RNF157: variants seen among roughly 807,000 people sequenced by gnomAD.
RNF157 encodes E3 ubiquitin ligase RNF157.
Under a neutral mutation model 88.3 loss-of-function variants are expected in RNF157, and 55 were observed. The observed-to-expected ratio is 0.62, with a 90% confidence interval of 0.50 to 0.78. RNF157 has a LOEUF of 0.78. Among genes scored for constraint, RNF157 ranks in the 30% least tolerant of loss-of-function variants. The pLI, the probability that RNF157 is intolerant of heterozygous loss-of-function variation, is 0.00. For missense variants in RNF157, 788 were observed against 860.8 expected (o/e 0.92, Z 1.06); for synonymous variants, 334 against 341.2 (o/e 0.98, Z 0.23).
chr17:76,224,639 C>T (rs1430331108), intron 1 of RNF157, among the ~76,000 whole-genome samples: 1 of 151,944 alleles, frequency 6.6e-6, no homozygotes, highest in East Asian at 1.9e-4. Context: ...CTTTTGACTT[C>T]CCTTGGCCAC....
In RNF157 at chr17:76,154,253, A is replaced by C. The variant is rs768099233; in HGVS notation, c.1810+30T>G. 5 of 1,528,944 alleles carry C rather than the reference A, an allele frequency of 3.3e-6. No individual in the cohort carries two copies. The Admixed American group carries it at 8.3e-5, about 26-fold the overall frequency. The allele number at this position is 1,528,944 out of a possible 1,614,324, so 94.7% of individuals were successfully genotyped here. On this transcript the variant is annotated intron_variant, in intron 17 of 18. Coordinates refer to ENST00000269391, the MANE Select transcript of RNF157 (RefSeq NM_052916.3). ...AATACCCAGGAAAGAAAGATAACTAAAGGAAGTAAAGGACCAGATCTTTTA... is the reference window on the plus strand; with the variant it reads ...AATACCCAGGAAAGAAAGATAACTACAGGAAGTAAAGGACCAGATCTTTTA...
In RNF157 at chr17:76,167,760, T is replaced by A. The variant is rs146324319; in HGVS notation, c.334A>T (p.Ser112Cys). 1 of 1,614,192 alleles carries A rather than the reference T, an allele frequency of 6.2e-7. No homozygotes were observed. The highest frequency in any genetic ancestry group is 2.2e-5 in the East Asian group (1 of 44,892). The change falls in exon 4 of 19, where the codon AGT becomes TGT. Residue 112 changes from serine to cysteine, a missense_variant. Coordinates refer to ENST00000269391, the MANE Select transcript of RNF157 (RefSeq NM_052916.3). ...ACATTGTAGTGGACTTTAGCTTTAC[T>A]GGCCTCTTCTCCAGGGCTCTTCACT... ...EEVKSPGEEA[S>C]KAKVHYNVEF...
chr17:76,146,164 T>G lies in RNF157; in HGVS notation c.1922-811A>C. On this transcript the variant is annotated intron_variant, in intron 18 of 18. Transcript: ENST00000269391. The surrounding 1 kb of genome is among the most constrained non-coding windows in gnomAD (Gnocchi z 4.2). Reference sequence around the variant, plus strand: ...CTCCTGTGGGCTCACTTCCTGGCCGTGTTGTGACTCCATCTGTAGTCACGC... The same window carrying G: ...CTCCTGTGGGCTCACTTCCTGGCCGGGTTGTGACTCCATCTGTAGTCACGC... 1 of 165,298 alleles carries G rather than the reference T, an allele frequency of 6.0e-6. No individual in the cohort carries two copies. The highest frequency in any genetic ancestry group is 1.3e-5 in the Non-Finnish European group (1 of 79,990). 10.2% of individuals were successfully genotyped at this position (165,298 alleles called of 1,614,324 possible).
In RNF157 at chr17:76,142,817, G is replaced by A. The variant is rs1349547422; in HGVS notation, c.*2418C>T. On this transcript the variant is annotated 3_prime_UTR_variant, in exon 19 of 19. Coordinates refer to ENST00000269391, the MANE Select transcript of RNF157 (RefSeq NM_052916.3). ...ATGGAGCTGGGCAGAAGGAAAAAAGGGCTCTGTGAGGAAGCCGGGATCACA... is the reference window on the plus strand; with the variant it reads ...ATGGAGCTGGGCAGAAGGAAAAAAGAGCTCTGTGAGGAAGCCGGGATCACA... 1 of 152,608 alleles carries A rather than the reference G, an allele frequency of 6.6e-6. No homozygotes were observed. Among genetic ancestry groups the A allele is most frequent in the Non-Finnish European group, 1.5e-5 (1 of 68,304 alleles). 9.5% of individuals were successfully genotyped at this position (152,608 alleles called of 1,614,324 possible). A position where few individuals can be genotyped will look rare whatever the true frequency, so the allele number is the denominator to read the frequency against.
At chr17:76,174,539 C>T (rs536295362) in intron 2 of RNF157, among the ~76,000 whole-genome samples, 2 of 152,130 alleles carry the variant, frequency 1.3e-5, no homozygotes, top group Admixed American at 6.5e-5. Context: ...CAAATGTTCC[C>T]GGTATTTTTA....
At chr17:76,170,221 G>C (rs1220856405) in intron 3 of RNF157, among the ~76,000 whole-genome samples, 2 of 151,956 alleles carry the variant, frequency 1.3e-5, no homozygotes, top group Non-Finnish European at 2.9e-5. Context: ...CAGTATGCCA[G>C]GATCCACTCA....
chr17:76,157,361 C>T lies in RNF157; in HGVS notation c.1413+1032G>A, dbSNP rs1390561743. Among the ~76,000 whole-genome samples, 2 of 152,206 alleles carry T rather than the reference C, an allele frequency of 1.3e-5. No homozygotes were observed. Among genetic ancestry groups the T allele is most frequent in the Non-Finnish European group, 2.9e-5 (2 of 68,044 alleles). On this transcript the variant is annotated intron_variant, in intron 13 of 18. Transcript: ENST00000269391. The surrounding 1 kb of genome is among the most constrained non-coding windows in gnomAD (Gnocchi z 5.6). ...GGCTGCACACTGCGGTCGGGTGGGC[C>T]TTTGGGGTGTGAAGCACTCACTGTG...
intron 2 of RNF157, among the ~76,000 whole-genome samples, chr17:76,197,071 A>G (rs2069490134): frequency 6.6e-6 from 1 of 151,702 alleles, no homozygotes; most frequent in Non-Finnish European, 1.5e-5. Context: ...GGTTGATATC[A>G]GATGTTGTCT....
At chr17:76,162,678 G>T in intron 8 of RNF157, 55 bp from the exon 9 acceptor site, 1 of 1,287,910 alleles carries the variant, frequency 7.8e-7, no homozygotes, top group Non-Finnish European at 1.1e-6. Flanking sequence ...AGAGACAAGA[G>T]TGGGAACTCC....
chr17:76,203,549 T>C (rs969246891), intron 2 of RNF157, among the ~76,000 whole-genome samples: 1 of 149,806 alleles, frequency 6.7e-6, no homozygotes, highest in African/African-American at 2.5e-5. Context: ...GCCTCCTGGG[T>C]TTAAGCAATT....
chr17:76,237,324 T>C (rs2070299224), intron 1 of RNF157, among the ~76,000 whole-genome samples: 1 of 152,228 alleles, frequency 6.6e-6, no homozygotes, highest in Non-Finnish European at 1.5e-5. Flanking sequence ...CCGAAACAAC[T>C]GTTCCACCGG....
chr17:76,149,760 G>A (rs1412736278), intron 18 of RNF157, among the ~76,000 whole-genome samples: 8 of 152,258 alleles, frequency 5.3e-5, no homozygotes, highest in African/African-American at 1.4e-4. Context: ...ATGGCTGGGC[G>A]CAGTGGCTCA....
intron 18 of RNF157, 81 bp from the exon 19 acceptor site, chr17:76,145,434 G>A: frequency 1.9e-6 from 2 of 1,043,878 alleles, no homozygotes; most frequent in Non-Finnish European, 2.9e-6. Flanking sequence ...CAGCCCAGGA[G>A]CCGGCACGGA....
intron 2 of RNF157, among the ~76,000 whole-genome samples, chr17:76,202,453 C>T (rs1417211390): frequency 6.6e-6 from 1 of 152,170 alleles, no homozygotes. Flanking sequence ...TCTGATCACA[C>T]ATGGTCCAAG....
chr17:76,164,611 TA>T (rs370597314), intron 8 of RNF157, 136 bp downstream of exon 8: 66,480 of 389,630 alleles, frequency 0.17, 192 homozygotes, highest in East Asian at 0.21. Context: ...CTTCTTTGAT[TA>T]AAAAAAAAAA....
In RNF157 at chr17:76,166,202, T is replaced by C. The variant is rs542106278; in HGVS notation, c.628+259A>G. Among the ~76,000 whole-genome samples, 6 of 152,298 alleles carry C rather than the reference T, an allele frequency of 3.9e-5. No homozygotes were observed. The South Asian group carries it at 1.2e-3, about 32-fold the overall frequency. On this transcript the variant is annotated intron_variant, in intron 6 of 18. Coordinates refer to ENST00000269391, the MANE Select transcript of RNF157 (RefSeq NM_052916.3). ...GTTGCCTAGGCTGGTCTCGAACTCCTGACCTCAGGTGATCCACCCACCTCG... is the reference window on the plus strand; with the variant it reads ...GTTGCCTAGGCTGGTCTCGAACTCCCGACCTCAGGTGATCCACCCACCTCG...
chr17:76,218,176 CTT>C (rs1481672589), intron 1 of RNF157, among the ~76,000 whole-genome samples: 4 of 152,032 alleles, frequency 2.6e-5, no homozygotes, highest in African/African-American at 7.3e-5. Flanking sequence ...AATGACTGAC[CTT>C]TAAAGAAAGA....
At chr17:76,222,537 T>G (rs1598441039) in intron 1 of RNF157, among the ~76,000 whole-genome samples, 1 of 152,266 alleles carries the variant, frequency 6.6e-6, no homozygotes, top group African/African-American at 2.4e-5. Context: ...GAATTTTTAT[T>G]TTAACTTCCA....
intron 1 of RNF157, among the ~76,000 whole-genome samples, chr17:76,222,879 C>A (rs1383612912): frequency 1.3e-5 from 2 of 151,664 alleles, no homozygotes; most frequent in African/African-American, 2.4e-5. Flanking sequence ...GGAAGACGAG[C>A]CAAATGTTTA....
Sources: gnomAD v4.1 joint callset for allele counts (sites outside exome capture counted in the v4.1 genomes callset) on GRCh38, gnomAD v4.1.1 for gene constraint, Gnocchi (gnomAD v3.1) non-coding constraint, MANE v1.5 for transcripts, NCBI Gene and HGNC (gene_info 2026-07-23, HGNC 2026-07-21) for gene names.